The following ANK3 variants were observed in gnomAD, a reference collection of about 807,000 sequenced individuals.
ANK3 encodes the protein ankyrin 3.
A neutral mutation model predicts 370.9 loss-of-function variants in ANK3; 57 were observed. The observed-to-expected ratio is 0.15, with a 90% confidence interval of 0.12 to 0.19. The LOEUF is 0.19. Among genes scored for constraint, ANK3 ranks in the 10% least tolerant of loss-of-function variants. The pLI is 1.00. For missense variants in ANK3, 4,439 were observed against 5,302.1 expected, an observed-to-expected ratio of 0.84 and a Z score of 5.06; for synonymous variants, 1,929 against 1,946.3, an observed-to-expected ratio of 0.99 and a Z score of 0.23.
chr10:60,663,823 C>T (rs1368947958), intron 1 of ANK3, among the ~76,000 whole-genome samples: 1 of 152,162 alleles, frequency 6.6e-6, no homozygotes, highest in Non-Finnish European at 1.5e-5. Flanking sequence ...TTTGAATTTA[C>T]AATGAGCTTT....
chr10:60,043,563 A>AC (rs1370544864), intron 42 of ANK3: 1 of 985,198 alleles, frequency 1.0e-6, no homozygotes, highest in Non-Finnish European at 1.2e-6. Flanking sequence ...AAAGAGGGGA[A>AC]CCCCCTCCTC....
intron 2 of ANK3, among the ~76,000 whole-genome samples, chr10:60,404,002 A>G (rs1451531290): frequency 6.6e-6 from 1 of 152,232 alleles, no homozygotes; most frequent in Admixed American, 6.5e-5. Flanking sequence ...CTACTTTTTA[A>G]AGTATCAAAA....
At chr10:60,675,666 G>C (rs1187945320) in intron 1 of ANK3, among the ~76,000 whole-genome samples, 1 of 152,194 alleles carries the variant, frequency 6.6e-6, no homozygotes, top group Non-Finnish European at 1.5e-5. Flanking sequence ...TCTGAAATTA[G>C]ACCAGAATAG....
rs544007715 is a variant in ANK3, at chr10:60,296,063, C to T, written c.115-16424G>A. Among the ~76,000 whole-genome samples the T allele has an allele frequency of 6.6e-5, 10 of 152,284 alleles. No individual in the cohort carries two copies. In the South Asian group the frequency reaches 2.1e-3, roughly 32 times the overall value. On this transcript the variant is annotated intron_variant, in intron 1 of 43. Transcript: ENST00000280772. ...GAGAACATTTAAGCAAAAGGCAAGA[C>T]TGAGCAGGAAGCAAAGTCTAAATAA...
At chr10:60,224,867 C>T (rs1478127233) in intron 8 of ANK3, among the ~76,000 whole-genome samples, 3 of 151,780 alleles carry the variant, frequency 2.0e-5, no homozygotes, top group Admixed American at 6.6e-5. Flanking sequence ...GCATCACTTA[C>T]AGTCTAATAG....
chr10:60,349,655 T>A (rs1221065740), intron 1 of ANK3, among the ~76,000 whole-genome samples: 1 of 152,188 alleles, frequency 6.6e-6, no homozygotes, highest in African/African-American at 2.4e-5. Context: ...AAAAGCCACA[T>A]GAACCCTAAT....
rs764367710 is a variant in ANK3 at position 60,492,706 on chromosome 10, C to CAAAA, written c.96+122476_96+122479dup. Among the ~76,000 whole-genome samples the CAAAA allele has an allele frequency of 9.6e-4, 55 of 57,236 alleles. 1 individual carries two copies. Among genetic ancestry groups the CAAAA allele is most frequent in the Non-Finnish European group, 1.3e-3 (40 of 31,214 alleles). 37.5% of individuals were successfully genotyped at this position (57,236 alleles called of 152,430 possible). On this transcript the variant is annotated intron_variant, in intron 2 of 43. Coordinates refer to the ANK3 transcript ENST00000373827. ...TGGGCAACACAGTGAGACTCTGTCT[C>CAAAA]AAAAAAAAAAAAAAAAAAGAAAGAA...
At chr10:60,064,601 G>A (rs2081244272) in intron 38 of ANK3, among the ~76,000 whole-genome samples, 1 of 151,992 alleles carries the variant, frequency 6.6e-6, no homozygotes, top group Non-Finnish European at 1.5e-5. Context: ...GCTGAGGCAG[G>A]TGGATTGCTT....
chr10:60,498,036 ATCTCTATC>A (rs780029111), intron 2 of ANK3, among the ~76,000 whole-genome samples: 15 of 151,940 alleles, frequency 9.9e-5, no homozygotes, highest in Non-Finnish European at 1.8e-4. Context: ...TCCACCCACA[ATCTCTATC>A]TCCAAATTGC....
intron 7 of ANK3, 102 bp downstream of exon 7, chr10:60,261,757 G>T: frequency 1.1e-6 from 1 of 930,104 alleles, no homozygotes; most frequent in South Asian, 1.5e-5. Context: ...CTGACTGGAA[G>T]GACTCTTGGA....
chr10:60,076,869 C>T lies in ANK3; in HGVS notation c.4433-421G>A, dbSNP rs144829343. Among the ~76,000 whole-genome samples the T allele has an allele frequency of 2.7e-3, 417 of 152,284 alleles. 4 individuals carry two copies. Among genetic ancestry groups the T allele is most frequent in the African/African-American group, 9.7e-3 (405 of 41,562 alleles). The stretch of plus-strand genomic sequence containing the variant: ...CCATTCTATTTTGCCTGTATAGGTA[C>T]ATGTTTGTTTCGTGCAACCATACAA... On this transcript the variant is annotated intron_variant, in intron 36 of 43. Coordinates refer to ENST00000280772, the MANE Select transcript of ANK3 (RefSeq NM_020987.5).
chr10:60,224,534 C>T (rs935157315), intron 8 of ANK3, among the ~76,000 whole-genome samples: 1 of 152,130 alleles, frequency 6.6e-6, no homozygotes, highest in Non-Finnish European at 1.5e-5. Flanking sequence ...CAGAATGTGT[C>T]TTTAGCAGGT....
intron 2 of ANK3, among the ~76,000 whole-genome samples, chr10:60,551,799 G>A (rs1487811884): frequency 6.6e-6 from 1 of 151,990 alleles, no homozygotes; most frequent in East Asian, 1.9e-4. Context: ...AAATAAACTG[G>A]TTAAGGTATT....
At chr10:60,664,502 A>C (rs923644760) in intron 1 of ANK3, among the ~76,000 whole-genome samples, 1 of 152,226 alleles carries the variant, frequency 6.6e-6, no homozygotes, top group Middle Eastern at 3.2e-3. Flanking sequence ...AGATGGTCCT[A>C]TTGTAAGCTT....
At chr10:60,372,887 T>G (rs545241856) in intron 1 of ANK3, among the ~76,000 whole-genome samples, 14 of 152,262 alleles carry the variant, frequency 9.2e-5, no homozygotes, top group Non-Finnish European at 1.6e-4. Context: ...TCTAATGAAG[T>G]GACTGAATCA....
At chr10:60,344,470 T>C (rs745367552) in intron 1 of ANK3, among the ~76,000 whole-genome samples, 2 of 152,070 alleles carry the variant, frequency 1.3e-5, no homozygotes, top group Non-Finnish European at 2.9e-5. Context: ...AGACAACAGC[T>C]CTGTTTGAGG....
At position 60,075,141 on chromosome 10, in the gene ANK3, G is replaced by A. The variant is rs1274185754; in HGVS notation, c.5740C>T (p.Arg1914Trp). ...DVAEMKEDLM[R>W]MTAILQTDVP... Reference sequence around the variant, plus strand: ...TCTGTCTGTAGTATTGCGGTCATCCGCATTAGGTCCTCTTTCATTTCAGCT... The same window carrying A: ...TCTGTCTGTAGTATTGCGGTCATCCACATTAGGTCCTCTTTCATTTCAGCT... The change falls in exon 37 of 44, where the codon CGG (arginine) becomes TGG (tryptophan). Residue 1914 changes from arginine (R) to tryptophan (W), a missense_variant. Physicochemically the swap from Arg to Trp is moderately radical, Grantham distance 101. Transcript: ENST00000280772. The A allele has an allele frequency of 5.0e-6, 8 of 1,614,058 alleles. No individual in the cohort carries two copies. The highest frequency in any genetic ancestry group is 2.2e-5 in the East Asian group (1 of 44,874).
intron 17 of ANK3, among the ~76,000 whole-genome samples, chr10:60,185,112 A>G (rs2096290229): frequency 6.6e-6 from 1 of 150,632 alleles, no homozygotes; most frequent in Non-Finnish European, 1.5e-5. Context: ...TAATGCTGAG[A>G]CATGCACTCC....
chr10:60,628,797 AC>A (rs879615781), intron 1 of ANK3, among the ~76,000 whole-genome samples: 5 of 152,224 alleles, frequency 3.3e-5, no homozygotes, highest in Non-Finnish European at 7.3e-5. Flanking sequence ...TTGTCATAAC[AC>A]TTTTCCCACT....
Sources: gnomAD v4.1 joint callset for allele counts (sites outside exome capture counted in the v4.1 genomes callset) on GRCh38, gnomAD v4.1.1 for gene constraint, MANE v1.5 for transcripts, NCBI Gene and HGNC (gene_info 2026-07-23, HGNC 2026-07-21) for gene names.